The following MSH4 variants were observed in gnomAD, a reference collection of about 807,000 sequenced individuals.
MSH4 encodes the protein mutS protein homolog 4.
In MSH4, 106 loss-of-function variants were observed where a neutral mutation model predicts 113.7. That is an observed-to-expected ratio of 0.93 (90% confidence interval 0.80 to 1.10). The LOEUF is 1.10. Among genes scored for constraint, MSH4 ranks in the 50% least tolerant of loss-of-function variants. The pLI is 0.00. For missense variants in MSH4, 1,061 were observed against 1,093.7 expected (o/e 0.97, Z 0.42); for synonymous variants, 368 against 380.2 (o/e 0.97, Z 0.37).
intron 2 of MSH4, among the ~76,000 whole-genome samples, chr1:75,806,414 A>AT (rs1394925727): frequency 1.3e-5 from 2 of 151,344 alleles, no homozygotes; most frequent in African/African-American, 4.9e-5. Context: ...CGCCTGGCTA[A>AT]TTTTTTGTAT....
At chr1:75,825,290 T>C (rs985434175) in intron 7 of MSH4, among the ~76,000 whole-genome samples, 1 of 152,152 alleles carries the variant, frequency 6.6e-6, no homozygotes, top group Non-Finnish European at 1.5e-5. Flanking sequence ...ATAGGAATGC[T>C]TGTGATTTTT....
rs915458457 is a variant in MSH4, at chr1:75,807,104, T to C, written c.551T>C (p.Ile184Thr). The C allele has an allele frequency of 6.3e-7, 1 of 1,577,984 alleles. No homozygotes were observed. Among genetic ancestry groups the C allele is most frequent in the Non-Finnish European group, 8.5e-7 (1 of 1,169,708 alleles). Residue 184 changes from isoleucine to threonine, a missense_variant, in exon 3 of 20, where the codon ATA becomes ACA. Coordinates refer to ENST00000263187, the MANE Select transcript of MSH4 (RefSeq NM_002440.4). Reference sequence around the variant, plus strand: ...ATTGATTTAAAAAACCCCCAAATTATACTATCCCAGTTTGCAGACAACACA... The same window carrying C: ...ATTGATTTAAAAAACCCCCAAATTACACTATCCCAGTTTGCAGACAACACA... ...ASIDLKNPQI[I>T]LSQFADNTTY...
intron 7 of MSH4, among the ~76,000 whole-genome samples, chr1:75,843,237 T>G (rs1651002028): frequency 6.6e-6 from 1 of 152,182 alleles, no homozygotes; most frequent in Non-Finnish European, 1.5e-5. Flanking sequence ...AGCCAGACAT[T>G]CGGGGCCACT....
At chr1:75,900,581 AC>A (rs1247149392) in intron 19 of MSH4, among the ~76,000 whole-genome samples, 1 of 152,146 alleles carries the variant, frequency 6.6e-6, no homozygotes, top group Admixed American at 6.5e-5. Context: ...TGCTGGGATT[AC>A]AGGTGTGAGC....
chr1:75,839,128 T>C (rs1394116758), intron 7 of MSH4, among the ~76,000 whole-genome samples: 1 of 152,210 alleles, frequency 6.6e-6, no homozygotes, highest in Non-Finnish European at 1.5e-5. Context: ...AACTTTAATT[T>C]TGATATATTT....
intron 10 of MSH4, 57 bp downstream of exon 10, chr1:75,877,057 A>T (rs1651831746): frequency 8.5e-7 from 1 of 1,176,530 alleles, no homozygotes; most frequent in Non-Finnish European, 1.2e-6. Flanking sequence ...TCCTGATCAT[A>T]ACTGATTTTA....
intron 14 of MSH4, among the ~76,000 whole-genome samples, chr1:75,882,565 A>C (rs889545385): frequency 6.6e-6 from 1 of 151,782 alleles, no homozygotes; most frequent in Non-Finnish European, 1.5e-5. Flanking sequence ...GGGCTTAGAA[A>C]GAATTATTTT....
intron 2 of MSH4, among the ~76,000 whole-genome samples, chr1:75,804,551 C>A (rs1240841926): frequency 6.7e-6 from 1 of 148,812 alleles, no homozygotes; most frequent in Non-Finnish European, 1.5e-5. Context: ...CACTGTGTCG[C>A]CCAGGCTGGA....
At chr1:75,886,498 G>GATGTATT (rs1557524967) in intron 15 of MSH4, among the ~76,000 whole-genome samples, 2 of 91,252 alleles carry the variant, frequency 2.2e-5, no homozygotes, top group African/African-American at 8.7e-5. Flanking sequence ...TATTATATAT[G>GATGTATT]ATGTATTATA....
chr1:75,868,099 T>C (rs1651628332), intron 9 of MSH4, among the ~76,000 whole-genome samples: 1 of 152,122 alleles, frequency 6.6e-6, no homozygotes, highest in African/African-American at 2.4e-5. Context: ...AGCATAAGGG[T>C]CAACTTTTTA....
At chr1:75,866,104 A>ACATT (rs1458049797) in intron 8 of MSH4, among the ~76,000 whole-genome samples, 2 of 152,196 alleles carry the variant, frequency 1.3e-5, no homozygotes, top group Admixed American at 6.5e-5. Flanking sequence ...TTAGAAGTTG[A>ACATT]CATTCATTCA....
intron 1 of MSH4, among the ~76,000 whole-genome samples, chr1:75,797,639 TA>T (rs1410563277): frequency 4.9e-3 from 1 of 206 alleles, no homozygotes; most frequent in African/African-American, 0.021. Context: ...ATATGTTTAG[TA>T]TTAAAAGAGT....
intron 9 of MSH4, among the ~76,000 whole-genome samples, chr1:75,875,348 T>C (rs771186509): frequency 1.3e-5 from 2 of 152,180 alleles, no homozygotes; most frequent in Non-Finnish European, 2.9e-5. Flanking sequence ...ACAGATATGG[T>C]AAAAATGTGT....
At chr1:75,888,320 A>G (rs1223190544) in intron 15 of MSH4, among the ~76,000 whole-genome samples, 1 of 151,878 alleles carries the variant, frequency 6.6e-6, no homozygotes, top group East Asian at 1.9e-4. Flanking sequence ...ATCTTCTTAT[A>G]ATGTTAGAAT....
rs561586136 is a variant in MSH4, at chr1:75,842,476, C to T, written c.1163-5733C>T. ...AAAATATAAAACAAGAATAGTTATA[C>T]CAGATATAGATCTTAGATATGATTA... On this transcript the variant is annotated intron_variant, in intron 7 of 19. Transcript: ENST00000263187. 3.8e-4 allele frequency among the ~76,000 whole-genome samples: 58 copies of T among 152,236 alleles called. 1 individual carries two copies. The highest frequency in any genetic ancestry group is 1.4e-3 in the African/African-American group (57 of 41,544).
At chr1:75,829,802 G>A (rs188882244) in intron 7 of MSH4, among the ~76,000 whole-genome samples, 97 of 152,260 alleles carry the variant, frequency 6.4e-4, no homozygotes, top group Non-Finnish European at 2.5e-4. Flanking sequence ...CATCATCAAA[G>A]ACCAAAGGTA....
At chr1:75,873,748 TTA>T (rs61020580) in intron 9 of MSH4, among the ~76,000 whole-genome samples, 10 of 150,232 alleles carry the variant, frequency 6.7e-5, no homozygotes, top group Non-Finnish European at 7.4e-5. Context: ...GATCTTGTTT[TTA>T]TATATATATA....
At chr1:75,830,287 T>C (rs1461440394) in intron 7 of MSH4, among the ~76,000 whole-genome samples, 1 of 152,074 alleles carries the variant, frequency 6.6e-6, no homozygotes, top group African/African-American at 2.4e-5. Context: ...TGTGGCACTA[T>C]GTGAAAAAAC....
chr1:75,806,641 A>C (rs1290963632), intron 2 of MSH4, among the ~76,000 whole-genome samples: 1 of 152,046 alleles, frequency 6.6e-6, no homozygotes, highest in African/African-American at 2.4e-5. Context: ...TTAGCTTTAT[A>C]ATAAGTCTTG....
Sources: allele counts gnomAD v4.1 joint callset (sites outside exome capture counted in the v4.1 genomes callset), GRCh38; gene constraint gnomAD v4.1.1; transcripts MANE v1.5; gene names NCBI Gene and HGNC (gene_info 2026-07-23, HGNC 2026-07-21).